The following CFAP20DC variants were observed in gnomAD, a reference collection of about 807,000 sequenced individuals.
The protein encoded by CFAP20DC is protein CFAP20DC.
CFAP20DC carries 84 observed loss-of-function variants against 101.7 expected under a neutral mutation model. The ratio of observed to expected loss-of-function variants is 0.83; its 90% confidence interval spans 0.69 to 0.99. The LOEUF is 0.99. CFAP20DC is among the 50% of genes least tolerant of loss of function. CFAP20DC has a pLI of 0.00. For synonymous variants in CFAP20DC, 359 were observed against 351.2 expected, an observed-to-expected ratio of 1.02 and a Z score of -0.25; for missense variants, 1,007 against 970.3, an observed-to-expected ratio of 1.04 and a Z score of -0.50.
At chr3:58,745,101 T>G (rs2068103392) in intron 16 of CFAP20DC, among the ~76,000 whole-genome samples, 1 of 152,210 alleles carries the variant, frequency 6.6e-6, no homozygotes. Flanking sequence ...CTTTATCTTC[T>G]TCTGTTGTCT....
intron 4 of CFAP20DC, among the ~76,000 whole-genome samples, chr3:58,959,996 T>G (rs2090993078): frequency 6.6e-6 from 1 of 152,222 alleles, no homozygotes; most frequent in South Asian, 2.1e-4. Context: ...GATTCAGTTG[T>G]GATAAGCTTC....
chr3:58,768,915 C>G (rs1239781316), intron 15 of CFAP20DC, among the ~76,000 whole-genome samples: 3 of 152,118 alleles, frequency 2.0e-5, no homozygotes, highest in Non-Finnish European at 4.4e-5. Flanking sequence ...AGTCAATATC[C>G]CAGCAGGAAA....
intron 5 of CFAP20DC, among the ~76,000 whole-genome samples, chr3:58,917,560 T>C (rs912558298): frequency 6.6e-6 from 1 of 152,174 alleles, no homozygotes; most frequent in African/African-American, 2.4e-5. Flanking sequence ...TAGAACCTCA[T>C]TCTGTTTTCT....
chr3:58,819,258 A>C (rs998127995), intron 14 of CFAP20DC, among the ~76,000 whole-genome samples: 3 of 152,100 alleles, frequency 2.0e-5, no homozygotes, highest in Non-Finnish European at 4.4e-5. Flanking sequence ...AAACACATTC[A>C]AAAGCTAGCA....
chr3:59,019,020 T>C (rs930641514), intron 4 of CFAP20DC: 11 of 152,210 alleles, frequency 7.2e-5, no homozygotes, highest in Admixed American at 6.5e-5. Flanking sequence ...GCGTGAAAGG[T>C]ATATGGTAGT....
intron 7 of CFAP20DC, among the ~76,000 whole-genome samples, chr3:58,878,952 G>T (rs1043811702): frequency 6.6e-6 from 1 of 151,644 alleles, no homozygotes; most frequent in African/African-American, 2.4e-5. Context: ...AGCTTGCAGC[G>T]AGCCAAGATT....
chr3:58,972,916 C>T (rs1322523267), intron 4 of CFAP20DC, among the ~76,000 whole-genome samples: 1 of 152,108 alleles, frequency 6.6e-6, no homozygotes, highest in Non-Finnish European at 1.5e-5. Flanking sequence ...TAATACAGTA[C>T]ACAGCATTTT....
intron 14 of CFAP20DC, among the ~76,000 whole-genome samples, chr3:58,807,562 T>C (rs1237402803): frequency 1.3e-5 from 2 of 152,096 alleles, no homozygotes; most frequent in East Asian, 3.9e-4. Flanking sequence ...CAAAACCCCA[T>C]CTGTACATCA....
At chr3:58,871,963 T>C (rs1461362317) in intron 7 of CFAP20DC, among the ~76,000 whole-genome samples, 1 of 152,148 alleles carries the variant, frequency 6.6e-6, no homozygotes, top group Non-Finnish European at 1.5e-5. Context: ...GTGGAGGACT[T>C]TCAGGGCTCC....
chr3:58,866,619 C>A lies in CFAP20DC; in HGVS notation c.1205G>T (p.Gly402Val). ...STILTTVSQQ[G>V]AELLNSGTLG... is the part of the protein sequence containing the mutation. ...AGTGCCGGAGTTCAACAGCTCTGCT[C>A]CTTGTTGGGACACAGTGGTGAGGAT... Residue 402 changes from glycine (G) to valine (V), a missense_variant, in exon 11 of 17, where the codon GGA (glycine) becomes GTA (valine). Transcript: ENST00000482387. 1 of 1,611,560 alleles carries A rather than the reference C, an allele frequency of 6.2e-7. No homozygotes were observed. Among genetic ancestry groups the A allele is most frequent in the Non-Finnish European group, 8.5e-7 (1 of 1,177,882 alleles).
chr3:58,854,093 C>G (rs2108363180), intron 12 of CFAP20DC, among the ~76,000 whole-genome samples: 1 of 152,272 alleles, frequency 6.6e-6, no homozygotes, highest in Admixed American at 6.5e-5. Flanking sequence ...ACCCCATTGT[C>G]TCAGCCCAAA....
At position 58,814,057 on chromosome 3, in the gene CFAP20DC, T is replaced by G. The variant is rs925636817; in HGVS notation, c.2176-7601A>C. On this transcript the variant is annotated intron_variant, in intron 14 of 16. Coordinates refer to ENST00000482387, the MANE Select transcript of CFAP20DC (RefSeq NM_001394063.1). ...ATACTCCCAATAACAAATTCATTGG[T>G]ATTCGTCCAGTATTTCAGCTGTACT... Among the ~76,000 whole-genome samples the G allele has an allele frequency of 3.3e-5, 5 of 151,890 alleles. 1 individual carries two copies. Among genetic ancestry groups the G allele is most frequent in the Non-Finnish European group, 7.3e-5 (5 of 68,030 alleles).
chr3:58,716,511 C>T (rs919635800), downstream of CFAP20DC, among the ~76,000 whole-genome samples: 4 of 152,096 alleles, frequency 2.6e-5, no homozygotes, highest in Non-Finnish European at 2.9e-5. Flanking sequence ...CAGCTCAGAT[C>T]GCATGGTAAC....
intron 4 of CFAP20DC, among the ~76,000 whole-genome samples, chr3:58,960,258 C>T (rs759051632): frequency 6.0e-5 from 9 of 150,762 alleles, no homozygotes; most frequent in Admixed American, 2.6e-4. Flanking sequence ...TTTGGGAGGC[C>T]GAGGTGGGTG....
At chr3:58,907,077 C>G (rs796705638) in intron 6 of CFAP20DC, among the ~76,000 whole-genome samples, 4 of 151,632 alleles carry the variant, frequency 2.6e-5, no homozygotes, top group African/African-American at 9.7e-5. Context: ...AAATTAAGAC[C>G]TTCCTACTTT....
intron 3 of CFAP20DC, among the ~76,000 whole-genome samples, chr3:59,039,889 A>G (rs1171023377): frequency 6.6e-6 from 1 of 152,018 alleles, no homozygotes; most frequent in Admixed American, 6.6e-5. Context: ...TTCAAAAATA[A>G]TAAGTTTTTA....
downstream of CFAP20DC, among the ~76,000 whole-genome samples, chr3:58,739,161 T>C (rs1480882684): frequency 6.6e-6 from 1 of 152,200 alleles, no homozygotes; most frequent in African/African-American, 2.4e-5. Flanking sequence ...AAAAGTTAAA[T>C]TAATTGGAGA....
intron 12 of CFAP20DC, among the ~76,000 whole-genome samples, chr3:58,860,695 C>G (rs1048789825): frequency 6.6e-6 from 1 of 152,040 alleles, no homozygotes; most frequent in African/African-American, 2.4e-5. Context: ...AGCTGCAAAA[C>G]CAGGTGTATA....
At chr3:58,766,694 T>C (rs1229237126) in intron 15 of CFAP20DC, among the ~76,000 whole-genome samples, 1 of 152,200 alleles carries the variant, frequency 6.6e-6, no homozygotes, top group Non-Finnish European at 1.5e-5. Context: ...TCCAACCTCA[T>C]GTGGTACAAT....
Sources: allele counts gnomAD v4.1 joint callset (sites outside exome capture counted in the v4.1 genomes callset), GRCh38; gene constraint gnomAD v4.1.1; transcripts MANE v1.5; gene names NCBI Gene and HGNC (gene_info 2026-07-23, HGNC 2026-07-21).